Variants in CMC1 observed in about 807,000 individuals in gnomAD.
CMC1 encodes C-X9-C motif containing 1.
A neutral mutation model predicts 14.1 loss-of-function variants in CMC1; 14 were observed. The observed-to-expected ratio is 0.99, with a 90% CI of 0.66 to 1.55. The LOEUF is 1.55. Among genes scored for constraint, CMC1 ranks in the 40% most tolerant of loss-of-function variants. The probability of loss-of-function intolerance (pLI) is 0.00; values close to 1 mark genes in which losing one functional copy is unlikely to be tolerated. For missense variants in CMC1, 127 were observed against 123.8 expected (o/e 1.03, Z -0.12); for synonymous variants, 50 against 38.4 (o/e 1.30, Z -1.12).
chr3:28,272,534 A>G (rs75541513), intron 2 of CMC1, among the ~76,000 whole-genome samples: 1 of 152,116 alleles, frequency 6.6e-6, no homozygotes, highest in South Asian at 2.1e-4. Context: ...ATTGATTTGC[A>G]TGTGTTGAAC....
chr3:28,257,659 T>C (rs1009424149), intron 1 of CMC1, among the ~76,000 whole-genome samples: 3 of 152,130 alleles, frequency 2.0e-5, no homozygotes, highest in South Asian at 2.1e-4. Flanking sequence ...GCTGGGACTT[T>C]AGGCGCACGC....
chr3:28,243,167 C>A (rs1698622344), intron 1 of CMC1, among the ~76,000 whole-genome samples: 1 of 152,004 alleles, frequency 6.6e-6, no homozygotes, highest in African/African-American at 2.4e-5. Context: ...GCAATTCTCC[C>A]ACCGCAGCCT....
rs1327189004 is a variant in CMC1, at chr3:28,321,370, C to T, written c.*1741C>T. 1 of 151,420 alleles carries T rather than the reference C, an allele frequency of 6.6e-6. No homozygotes were observed. 9.4% of individuals were successfully genotyped at this position (151,420 alleles called of 1,614,324 possible). ...GATTAAAATCAGAAGTAGCCCACTTCATGTAGAAAATTCACTTATGTACAT... is the reference window on the plus strand; with the variant it reads ...GATTAAAATCAGAAGTAGCCCACTTTATGTAGAAAATTCACTTATGTACAT... On this transcript the variant is annotated 3_prime_UTR_variant, in exon 4 of 4. Transcript: ENST00000466830.
intron 2 of CMC1, among the ~76,000 whole-genome samples, chr3:28,295,044 C>A (rs1364322570): frequency 6.6e-6 from 1 of 152,104 alleles, no homozygotes; most frequent in Non-Finnish European, 1.5e-5. Flanking sequence ...GCAGTGTTCA[C>A]GCTGTGCTAC....
Position 28,323,905 on chromosome 3 carries a change from AGT to A in CMC1, c.*4281_*4282del, listed in dbSNP as rs1703276828. Reference sequence around the variant, plus strand: ...TATGTTGGTTTTTGTACTATTGTACAGTGTGTTCAAATATAGATACTGAAGAC... The same window carrying A: ...TATGTTGGTTTTTGTACTATTGTACAGTGTTCAAATATAGATACTGAAGAC... On this transcript the variant is annotated 3_prime_UTR_variant, in exon 4 of 4. Transcript: ENST00000466830. The A allele has an allele frequency of 7.4e-6, 7 of 949,570 alleles. No homozygotes were observed. The highest frequency in any genetic ancestry group is 1.7e-5 in the African/African-American group (1 of 59,632). The allele number at this position is 949,570 out of a possible 1,614,324, so 58.8% of individuals were successfully genotyped here.
intron 2 of CMC1, among the ~76,000 whole-genome samples, chr3:28,287,045 G>A (rs767966765): frequency 6.6e-6 from 1 of 152,018 alleles, no homozygotes; most frequent in Non-Finnish European, 1.5e-5. Flanking sequence ...TAATCCAACC[G>A]TCAACACATT....
chr3:28,263,108 G>C (rs1699817442), intron 1 of CMC1, 183 bp from the exon 2 acceptor site: 1 of 529,760 alleles, frequency 1.9e-6, no homozygotes, highest in East Asian at 3.5e-5. Flanking sequence ...TTTTGTTGTT[G>C]TATATAAAAA....
At chr3:28,253,431 A>T (rs1326749762) in intron 1 of CMC1, among the ~76,000 whole-genome samples, 3 of 152,154 alleles carry the variant, frequency 2.0e-5, no homozygotes, top group Non-Finnish European at 4.4e-5. Context: ...ACATAAAAAA[A>T]TTAGCTTGAT....
intron 1 of CMC1, among the ~76,000 whole-genome samples, chr3:28,258,711 C>T (rs887159137): frequency 1.3e-5 from 2 of 150,896 alleles, no homozygotes; most frequent in Non-Finnish European, 2.9e-5. Context: ...GCTCTGCCTC[C>T]CGGGTTCATG....
intron 1 of CMC1, among the ~76,000 whole-genome samples, chr3:28,250,565 A>G (rs1699079907): frequency 6.6e-6 from 1 of 152,112 alleles, no homozygotes; most frequent in South Asian, 2.1e-4. Flanking sequence ...CTTTCTGTAA[A>G]TATTTATCGT....
At chr3:28,276,057 G>A (rs1045879323) in intron 2 of CMC1, among the ~76,000 whole-genome samples, 1 of 152,162 alleles carries the variant, frequency 6.6e-6, no homozygotes, top group Non-Finnish European at 1.5e-5. Flanking sequence ...GCCATCATCT[G>A]CAGTGATGGC....
intron 2 of CMC1, among the ~76,000 whole-genome samples, chr3:28,304,799 T>C (rs924251640): frequency 3.5e-4 from 53 of 152,128 alleles, no homozygotes; most frequent in African/African-American, 1.1e-3. Context: ...GTTCTGAAAG[T>C]TTTATAACTT....
At chr3:28,290,156 G>A (rs933793057) in intron 2 of CMC1, among the ~76,000 whole-genome samples, 1 of 152,014 alleles carries the variant, frequency 6.6e-6, no homozygotes, top group Non-Finnish European at 1.5e-5. Flanking sequence ...TCTGTAAGTT[G>A]TAATTTTACA....
intron 2 of CMC1, among the ~76,000 whole-genome samples, chr3:28,304,324 CTA>C (rs1702200107): frequency 1.3e-5 from 2 of 150,830 alleles, no homozygotes; most frequent in South Asian, 2.1e-4. Flanking sequence ...CATTTTCTGC[CTA>C]TGTTAGGTAG....
rs1055878764 is a variant in CMC1 at position 28,297,139 on chromosome 3, T to G, written c.110-19194T>G. On this transcript the variant is annotated intron_variant, in intron 2 of 3. Coordinates refer to ENST00000466830, the MANE Select transcript of CMC1 (RefSeq NM_182523.2). ...CTTCCTGAGGGCAACAGACAAACTATTTGATAGCTGAATACATATTTGGTA... is the reference window on the plus strand; with the variant it reads ...CTTCCTGAGGGCAACAGACAAACTAGTTGATAGCTGAATACATATTTGGTA... 5.9e-5 allele frequency: 9 copies of G among 152,198 alleles called. No homozygotes were observed. In the East Asian group the frequency reaches 1.3e-3, roughly 23 times the overall value. The allele number at this position is 152,198 out of a possible 1,614,324, so 9.4% of individuals were successfully genotyped here. A position where few individuals can be genotyped will look rare whatever the true frequency, so the allele number is the denominator to read the frequency against.
intron 2 of CMC1, among the ~76,000 whole-genome samples, chr3:28,288,965 T>C (rs1348607440): frequency 6.6e-6 from 1 of 151,692 alleles, no homozygotes; most frequent in African/African-American, 2.4e-5. Context: ...AAATATATAA[T>C]ATGAAATATT....
intron 1 of CMC1, among the ~76,000 whole-genome samples, chr3:28,260,061 C>A (rs898819442): frequency 6.6e-6 from 1 of 151,906 alleles, no homozygotes; most frequent in East Asian, 1.9e-4. Context: ...TTTTTGGCAT[C>A]GATATGATTA....
chr3:28,249,190 G>T (rs1298604196), intron 1 of CMC1, among the ~76,000 whole-genome samples: 1 of 152,214 alleles, frequency 6.6e-6, no homozygotes, highest in Non-Finnish European at 1.5e-5. Flanking sequence ...GTTACTGGGA[G>T]ATTCTTACAG....
At chr3:28,287,690 A>G (rs889825613) in intron 2 of CMC1, among the ~76,000 whole-genome samples, 1 of 151,642 alleles carries the variant, frequency 6.6e-6, no homozygotes, top group African/African-American at 2.4e-5. Context: ...TTTAATATAT[A>G]TTGGTTTTTA....
Sources: allele counts gnomAD v4.1 joint callset (sites outside exome capture counted in the v4.1 genomes callset), GRCh38; gene constraint gnomAD v4.1.1; transcripts MANE v1.5; gene names NCBI Gene and HGNC (gene_info 2026-07-23, HGNC 2026-07-21).